Variants in ZFHX3 observed in about 807,000 individuals in gnomAD.
The protein encoded by ZFHX3 is zinc finger homeobox protein 3.
ZFHX3 carries 42 observed loss-of-function variants against 279.1 expected under a neutral mutation model. That is an observed-to-expected ratio of 0.15 (90% confidence interval 0.12 to 0.19). The LOEUF (loss-of-function observed/expected upper bound fraction) is 0.19. Ranked by LOEUF, ZFHX3 falls within the 10% of genes least tolerant of loss-of-function variation. The probability of loss-of-function intolerance (pLI) is 1.00; values close to 1 mark genes in which losing one functional copy is unlikely to be tolerated. For synonymous variants in ZFHX3, 2,293 were observed against 1,957.8 expected (o/e 1.17, Z -4.52); for missense variants, 4,981 against 4,754.0 (o/e 1.05, Z -1.40).
At chr16:73,732,870 C>T (rs944234246) in intron 1 of ZFHX3, among the ~76,000 whole-genome samples, 1 of 152,132 alleles carries the variant, frequency 6.6e-6, no homozygotes, top group South Asian at 2.1e-4. Context: ...ATGATCCATG[C>T]CTATAAGCTG....
At chr16:73,577,665 C>A (rs1029826296) in intron 2 of ZFHX3, among the ~76,000 whole-genome samples, 2 of 152,108 alleles carry the variant, frequency 1.3e-5, no homozygotes, top group African/African-American at 4.8e-5. Flanking sequence ...GATCAGGGGA[C>A]TGAAGGTATA....
chr16:73,561,955 C>T (rs531345488), intron 2 of ZFHX3, among the ~76,000 whole-genome samples: 11 of 152,068 alleles, frequency 7.2e-5, no homozygotes, highest in African/African-American at 2.7e-4. Flanking sequence ...CACCTAGGTT[C>T]CTAACTTGGG....
At chr16:72,930,594 C>T (rs1959733744) in intron 3 of ZFHX3, among the ~76,000 whole-genome samples, 1 of 152,092 alleles carries the variant, frequency 6.6e-6, no homozygotes, top group African/African-American at 2.4e-5. Context: ...GGCTATGGAG[C>T]AGACAATAGC....
At chr16:73,830,408 T>A (rs1469587322) in intron 1 of ZFHX3, among the ~76,000 whole-genome samples, 1 of 152,084 alleles carries the variant, frequency 6.6e-6, no homozygotes, top group Non-Finnish European at 1.5e-5. Flanking sequence ...GCTGTTCCTA[T>A]TCGGCCATCT....
chr16:73,268,119 A>AT (rs1009901676), intron 4 of ZFHX3, among the ~76,000 whole-genome samples: 6 of 152,090 alleles, frequency 3.9e-5, no homozygotes, highest in Non-Finnish European at 8.8e-5. Context: ...GAATAAATCC[A>AT]TTTTTTTCCA....
chr16:73,557,236 T>G (rs1034579626), intron 2 of ZFHX3, among the ~76,000 whole-genome samples: 1 of 151,934 alleles, frequency 6.6e-6, no homozygotes, highest in Non-Finnish European at 1.5e-5. Context: ...AAAGGTTGCC[T>G]GGTACAATCA....
At chr16:73,605,514 G>C (rs2052168222) in intron 2 of ZFHX3, among the ~76,000 whole-genome samples, 1 of 152,124 alleles carries the variant, frequency 6.6e-6, no homozygotes, top group Non-Finnish European at 1.5e-5. Flanking sequence ...TGGCATACTT[G>C]GGTTTGTCTG....
chr16:73,296,514 T>C (rs1204413304), intron 4 of ZFHX3, among the ~76,000 whole-genome samples: 2 of 152,214 alleles, frequency 1.3e-5, no homozygotes, highest in African/African-American at 2.4e-5. Flanking sequence ...CTTTTAGCAA[T>C]ATTTAAGATT....
At chr16:73,071,464 T>G (rs904713385) in intron 8 of ZFHX3, among the ~76,000 whole-genome samples, 1 of 150,268 alleles carries the variant, frequency 6.7e-6, no homozygotes. Flanking sequence ...TCTCTGCTGC[T>G]GCTGCTGCTG....
chr16:72,955,789 A>AAC (rs1191478754), intron 2 of ZFHX3, among the ~76,000 whole-genome samples: 2 of 151,614 alleles, frequency 1.3e-5, no homozygotes, highest in Non-Finnish European at 2.9e-5. Context: ...AAAAAAAAAA[A>AAC]AAAAAACCCT....
At chr16:73,558,824 T>C (rs1197610579) in intron 2 of ZFHX3, among the ~76,000 whole-genome samples, 5 of 149,424 alleles carry the variant, frequency 3.3e-5, no homozygotes, top group African/African-American at 1.2e-4. Context: ...GTGATTCTCC[T>C]GCCTCAGCCT....
intron 2 of ZFHX3, among the ~76,000 whole-genome samples, chr16:73,589,733 C>CAAAAAAAAAAAAAAAAAA (rs59777135): frequency 1.4e-4 from 4 of 29,590 alleles, no homozygotes; most frequent in African/African-American, 1.6e-4. Flanking sequence ...GACTCCGTCT[C>CAAAAAAAAAAAAAAAAAA]AAAAAAAAAA....
chr16:73,306,140 G>A (rs530907553), intron 4 of ZFHX3, among the ~76,000 whole-genome samples: 18 of 152,182 alleles, frequency 1.2e-4, no homozygotes, highest in African/African-American at 2.6e-4. Flanking sequence ...GTTCTACTGC[G>A]TACCTACTGT....
At chr16:73,131,072 T>A (rs567489364) in exon 7 of ZFHX3, 1 of 983,068 alleles carries the variant, frequency 1.0e-6, no homozygotes, top group African/African-American at 1.7e-5. Flanking sequence ...CTTGTTAACT[T>A]CTTTGTGTCT....
rs752259921 is a variant in ZFHX3, at chr16:72,787,542, G to T, written c.10734C>A (p.Phe3578Leu). 1.2e-6 allele frequency: 2 copies of T among 1,613,976 alleles called. No individual in the cohort carries two copies. Among genetic ancestry groups the T allele is most frequent in the Admixed American group, 3.3e-5 (2 of 60,000 alleles). Residue 3578 changes from phenylalanine to leucine, a missense_variant, in exon 10 of 10, where the codon TTC (phenylalanine) becomes TTA (leucine). Phe to Leu is a conservative substitution (Grantham distance 22). This residue lies in a region of ZFHX3 where 1,034 missense variants were observed against 786.0 expected (regional missense o/e 1.32). Coordinates refer to ENST00000268489, the MANE Select transcript of ZFHX3 (RefSeq NM_006885.4). ...AGGTAGATGCGGTGCTAGGATCGGG[G>T]AAGCAGGCAGAGTGAGGTAATAAAC... ...HPSLLPHSAC[F>L]PDPSTASTSQ...
intron 5 of ZFHX3, among the ~76,000 whole-genome samples, chr16:73,222,714 C>T (rs1172837746): frequency 6.6e-6 from 1 of 152,020 alleles, no homozygotes; most frequent in East Asian, 1.9e-4. Context: ...TATTGACAAA[C>T]TGATTCTAAA....
chr16:73,888,136 G>A (rs558232378), intron 1 of ZFHX3, among the ~76,000 whole-genome samples: 6 of 152,232 alleles, frequency 3.9e-5, no homozygotes, highest in Non-Finnish European at 7.4e-5. Flanking sequence ...GAGCATCACC[G>A]AGGCCTGGCA....
At chr16:73,560,884 C>G (rs1369841642) in intron 2 of ZFHX3, among the ~76,000 whole-genome samples, 1 of 152,034 alleles carries the variant, frequency 6.6e-6, no homozygotes, top group Non-Finnish European at 1.5e-5. Flanking sequence ...GTATTCTGTT[C>G]CTTATTTAAA....
chr16:72,804,425 A>T (rs1013205760), intron 7 of ZFHX3, among the ~76,000 whole-genome samples: 2 of 152,232 alleles, frequency 1.3e-5, no homozygotes, highest in African/African-American at 4.8e-5. Flanking sequence ...ACTCCTAGGA[A>T]AATACTTTCA....
Sources: gnomAD v4.1 joint callset for allele counts (sites outside exome capture counted in the v4.1 genomes callset) on GRCh38, gnomAD v4.1.1 for gene constraint, gnomAD v4.1.1 regional missense constraint, MANE v1.5 for transcripts, NCBI Gene and HGNC (gene_info 2026-07-23, HGNC 2026-07-21) for gene names.